Variants in RCSD1 observed in about 807,000 individuals in gnomAD.
RCSD1 encodes RCSD domain containing 1, also known as capZ-interacting protein.
Under a neutral mutation model 42.5 loss-of-function variants are expected in RCSD1, and 26 were observed. The observed-to-expected ratio is 0.61, with a 90% CI of 0.45 to 0.85. RCSD1 has a LOEUF of 0.85. Ranked by LOEUF, RCSD1 falls within the 40% of genes least tolerant of loss-of-function variation. The pLI is 0.00. For synonymous variants in RCSD1, 220 were observed against 212.2 expected, an observed-to-expected ratio of 1.04 and a Z score of -0.32; for missense variants, 571 against 528.3, an observed-to-expected ratio of 1.08 and a Z score of -0.79.
chr1:167,642,735 C>A (rs12075150), intron 1 of RCSD1, among the ~76,000 whole-genome samples: 7,180 of 152,224 alleles, frequency 0.047, 240 homozygotes, highest in African/African-American at 0.089. Context: ...TGCACTCCCC[C>A]TTGGTGAAAG....
intron 1 of RCSD1, among the ~76,000 whole-genome samples, chr1:167,678,861 C>A (rs75456815): frequency 0.024 from 3,629 of 152,332 alleles, 152 homozygotes; most frequent in African/African-American, 0.084. Flanking sequence ...TCTGTCTGTG[C>A]TTCTGCTCAG....
chr1:167,698,724 G>T (rs760776938), intron 6 of RCSD1, among the ~76,000 whole-genome samples: 2 of 152,044 alleles, frequency 1.3e-5, no homozygotes, highest in Admixed American at 6.6e-5. Flanking sequence ...TCATTCATGC[G>T]TTCATTTACT....
chr1:167,676,267 A>C (rs1451311975), intron 1 of RCSD1, among the ~76,000 whole-genome samples: 1 of 152,232 alleles, frequency 6.6e-6, no homozygotes, highest in African/African-American at 2.4e-5. Context: ...TTCATAGAGC[A>C]GTGTAAAGCA....
In RCSD1 at chr1:167,704,701, C is replaced by G; in HGVS notation, c.*5C>G. On this transcript the variant is annotated 3_prime_UTR_variant, in exon 7 of 7. Transcript: ENST00000367854. ...GTCCAGGACACTAAAATGTGAAGAA[C>G]AGCTCATTGTGCCCCAGTGATGAAG... 6.2e-7 allele frequency: 1 copy of G among 1,612,514 alleles called. No individual in the cohort carries two copies. The highest frequency in any genetic ancestry group is 1.3e-5 in the African/African-American group (1 of 75,032).
intron 1 of RCSD1, among the ~76,000 whole-genome samples, chr1:167,633,240 A>G (rs1457516214): frequency 6.6e-6 from 1 of 152,232 alleles, no homozygotes; most frequent in African/African-American, 2.4e-5. Flanking sequence ...TTAAAAGCTC[A>G]CAACCCAATA....
chr1:167,654,752 T>A (rs1658385025), intron 1 of RCSD1, among the ~76,000 whole-genome samples: 1 of 152,138 alleles, frequency 6.6e-6, no homozygotes, highest in African/African-American at 2.4e-5. Flanking sequence ...ATCAGTTAGG[T>A]AACCATAATC....
chr1:167,688,912 A>G (rs769782097), intron 3 of RCSD1, among the ~76,000 whole-genome samples: 11 of 152,166 alleles, frequency 7.2e-5, no homozygotes, highest in South Asian at 2.1e-4. Context: ...TTTCTTCATC[A>G]TCATCATCCT....
chr1:167,674,242 C>T (rs1658884557), intron 1 of RCSD1, among the ~76,000 whole-genome samples: 1 of 152,196 alleles, frequency 6.6e-6, no homozygotes, highest in South Asian at 2.1e-4. Context: ...CCTCACAGAC[C>T]TATAAGCCCT....
chr1:167,637,350 A>G (rs1571666465), intron 1 of RCSD1, among the ~76,000 whole-genome samples: 1 of 152,360 alleles, frequency 6.6e-6, no homozygotes, highest in East Asian at 1.9e-4. Context: ...AAAGGAACTC[A>G]TTCTATTTGG....
intron 1 of RCSD1, among the ~76,000 whole-genome samples, chr1:167,681,555 G>T (rs1334690741): frequency 6.6e-6 from 1 of 152,202 alleles, no homozygotes; most frequent in African/African-American, 2.4e-5. Context: ...TCTCACTTCT[G>T]AGCCCCTTGC....
chr1:167,706,958 A>G lies in RCSD1; in HGVS notation c.*2262A>G, dbSNP rs986635675. Among the ~76,000 whole-genome samples the G allele has an allele frequency of 6.6e-6, 1 of 152,248 alleles. No individual in the cohort carries two copies. Among genetic ancestry groups the G allele is most frequent in the Non-Finnish European group, 1.5e-5 (1 of 68,050 alleles). ...AAGACCTTGTTTCTTTCAGGCTTCCATAATGGGTTTGAAAGAAAACACGGA... is the reference window on the plus strand; with the variant it reads ...AAGACCTTGTTTCTTTCAGGCTTCCGTAATGGGTTTGAAAGAAAACACGGA... On this transcript the variant is annotated 3_prime_UTR_variant, in exon 7 of 7. Transcript: ENST00000367854.
At chr1:167,671,303 T>A (rs979249514) in intron 1 of RCSD1, among the ~76,000 whole-genome samples, 1 of 152,216 alleles carries the variant, frequency 6.6e-6, no homozygotes, top group Non-Finnish European at 1.5e-5. Flanking sequence ...TGCACACAGT[T>A]CAACTTTTAC....
At chr1:167,670,061 C>T (rs1658765511) in intron 1 of RCSD1, among the ~76,000 whole-genome samples, 1 of 152,134 alleles carries the variant, frequency 6.6e-6, no homozygotes, top group Admixed American at 6.5e-5. Flanking sequence ...GTGAAGGGTA[C>T]TTGTGTGGGC....
intron 3 of RCSD1, among the ~76,000 whole-genome samples, chr1:167,688,203 A>C (rs1659284745): frequency 6.6e-6 from 1 of 152,204 alleles, no homozygotes; most frequent in South Asian, 2.1e-4. Flanking sequence ...CTGGGTCCCC[A>C]GTACTATACT....
At chr1:167,680,185 A>G (rs1389908806) in intron 1 of RCSD1, among the ~76,000 whole-genome samples, 2 of 152,178 alleles carry the variant, frequency 1.3e-5, no homozygotes, top group Non-Finnish European at 2.9e-5. Context: ...AAAGCAGGGC[A>G]CAAAGGGAGA....
chr1:167,674,211 ACATGAAACTCACC>A (rs2102224247), intron 1 of RCSD1, among the ~76,000 whole-genome samples: 1 of 152,340 alleles, frequency 6.6e-6, no homozygotes, highest in Admixed American at 6.5e-5. Context: ...CAGGTACTTG[ACATGAAACTCACC>A]CTGTCTTCCT....
At chr1:167,653,624 T>C (rs1658360029) in intron 1 of RCSD1, among the ~76,000 whole-genome samples, 1 of 152,206 alleles carries the variant, frequency 6.6e-6, no homozygotes, top group African/African-American at 2.4e-5. Flanking sequence ...GATGTCAAGG[T>C]AAAGGCTAGG....
In RCSD1 at chr1:167,697,384, G is replaced by A. The variant is rs1659524338; in HGVS notation, c.760G>A (p.Ala254Thr). The change falls in exon 6 of 7, where the codon GCC (alanine) becomes ACC (threonine). Residue 254 changes from alanine to threonine, a missense_variant. Coordinates refer to ENST00000367854, the MANE Select transcript of RCSD1 (RefSeq NM_052862.4). ...GACAGAGAAGCAGGAGGAGGACAGGGCCACAGAGGAAGCCAAGAACGGTGA... is the reference window on the plus strand; with the variant it reads ...GACAGAGAAGCAGGAGGAGGACAGGACCACAGAGGAAGCCAAGAACGGTGA... ...SRTEKQEEDR[A>T]TEEAKNGEKA... 3 of 1,613,854 alleles carry A rather than the reference G, an allele frequency of 1.9e-6. No homozygotes were observed. Among genetic ancestry groups the A allele is most frequent in the Non-Finnish European group, 2.5e-6 (3 of 1,179,902 alleles).
intron 1 of RCSD1, among the ~76,000 whole-genome samples, chr1:167,680,674 T>TA (rs1405764839): frequency 1.6e-4 from 24 of 152,130 alleles, no homozygotes; most frequent in African/African-American, 5.8e-4. Flanking sequence ...GGTCTCTCTT[T>TA]ATTGCCCAGT....
Sources: gnomAD v4.1 joint callset for allele counts (sites outside exome capture counted in the v4.1 genomes callset) on GRCh38, gnomAD v4.1.1 for gene constraint, MANE v1.5 for transcripts, NCBI Gene and HGNC (gene_info 2026-07-23, HGNC 2026-07-21) for gene names.